SCAPER: variants seen among roughly 807,000 people sequenced by gnomAD.
SCAPER encodes the protein S phase cyclin A-associated protein in the endoplasmic reticulum.
Under a neutral mutation model 182.2 loss-of-function variants are expected in SCAPER, and 98 were observed. The ratio of observed to expected loss-of-function variants is 0.54; its 90% CI spans 0.46 to 0.64. SCAPER has a LOEUF of 0.64. Among genes scored for constraint, SCAPER ranks in the 30% least tolerant of loss-of-function variants. The probability of loss-of-function intolerance (pLI) is 0.00; values close to 1 mark genes in which losing one functional copy is unlikely to be tolerated. For missense variants in SCAPER, 1,432 were observed against 1,690.0 expected (o/e 0.85, Z 2.68); for synonymous variants, 605 against 564.6 (o/e 1.07, Z -1.01).
At chr15:76,728,178 T>C (rs2060704950) in intron 17 of SCAPER, among the ~76,000 whole-genome samples, 1 of 140,752 alleles carries the variant, frequency 7.1e-6, no homozygotes, top group Non-Finnish European at 1.5e-5. Context: ...TCATACATCA[T>C]AATCAGAGTG....
At chr15:76,863,385 C>T (rs1192137102) in intron 2 of SCAPER, among the ~76,000 whole-genome samples, 1 of 152,172 alleles carries the variant, frequency 6.6e-6, no homozygotes, top group Admixed American at 6.5e-5. Flanking sequence ...GCCCAAAATC[C>T]CAGTCCAATT....
intron 1 of SCAPER, among the ~76,000 whole-genome samples, chr15:76,884,476 A>C (rs377323953): frequency 2.0e-5 from 3 of 152,230 alleles, no homozygotes; most frequent in East Asian, 3.8e-4. Context: ...AAGAAATCCA[A>C]GTCAGGGAAA....
At chr15:76,854,421 CAAG>C (rs879531618) in intron 4 of SCAPER, among the ~76,000 whole-genome samples, 2 of 151,984 alleles carry the variant, frequency 1.3e-5, no homozygotes, top group Non-Finnish European at 2.9e-5. Context: ...AACATCTCCA[CAAG>C]AAGAATTACA....
intron 26 of SCAPER, among the ~76,000 whole-genome samples, chr15:76,412,538 C>A (rs954921842): frequency 6.6e-6 from 1 of 152,004 alleles, no homozygotes; most frequent in African/African-American, 2.4e-5. Flanking sequence ...TCAGCTCCCC[C>A]ACCCCAAATA....
intron 22 of SCAPER, among the ~76,000 whole-genome samples, chr15:76,615,666 A>G (rs1328086906): frequency 6.7e-6 from 1 of 150,156 alleles, no homozygotes; most frequent in Non-Finnish European, 1.5e-5. Context: ...TAAAAATACA[A>G]AAAACTAGCT....
chr15:76,580,999 A>G (rs972153189), intron 22 of SCAPER, among the ~76,000 whole-genome samples: 6 of 152,178 alleles, frequency 3.9e-5, no homozygotes, highest in African/African-American at 9.6e-5. Context: ...TCAAAGGATC[A>G]TTAGAGGCTA....
intron 20 of SCAPER, among the ~76,000 whole-genome samples, chr15:76,666,930 A>C (rs2056616141): frequency 6.6e-6 from 1 of 152,112 alleles, no homozygotes; most frequent in Non-Finnish European, 1.5e-5. Context: ...ACTGGATCCC[A>C]TTCCTTGTCT....
intron 23 of SCAPER, among the ~76,000 whole-genome samples, chr15:76,573,318 T>C (rs1009295343): frequency 3.3e-5 from 5 of 152,190 alleles, no homozygotes; most frequent in South Asian, 2.1e-4. Flanking sequence ...GGTGAGTTCA[T>C]AGCTGTTCAC....
At chr15:76,408,422 G>C (rs1184843903) in intron 26 of SCAPER, among the ~76,000 whole-genome samples, 2 of 151,780 alleles carry the variant, frequency 1.3e-5, no homozygotes, top group African/African-American at 4.8e-5. Flanking sequence ...TGCAACTTTT[G>C]GTTGTTTTCA....
chr15:76,840,047 C>T (rs376637251), intron 5 of SCAPER, among the ~76,000 whole-genome samples: 5 of 152,074 alleles, frequency 3.3e-5, no homozygotes, highest in African/African-American at 1.2e-4. Flanking sequence ...AAACTAAGTC[C>T]AGTAGTGTCT....
chr15:76,532,089 CT>C (rs1271728245), intron 23 of SCAPER, among the ~76,000 whole-genome samples: 1 of 152,032 alleles, frequency 6.6e-6, no homozygotes, highest in Non-Finnish European at 1.5e-5. Context: ...TGTTGATCAT[CT>C]CAACGCTTAC....
At chr15:76,752,460 C>G (rs2062148461) in intron 15 of SCAPER, among the ~76,000 whole-genome samples, 1 of 151,676 alleles carries the variant, frequency 6.6e-6, no homozygotes, top group African/African-American at 2.4e-5. Flanking sequence ...TTCACAATAG[C>G]TAAAATGTAG....
intron 2 of SCAPER, among the ~76,000 whole-genome samples, chr15:76,869,939 G>T (rs1435015876): frequency 6.6e-6 from 1 of 152,118 alleles, no homozygotes; most frequent in Non-Finnish European, 1.5e-5. Context: ...CCTGTCACTT[G>T]CAACAACATA....
intron 5 of SCAPER, among the ~76,000 whole-genome samples, chr15:76,816,456 G>A (rs1465604960): frequency 1.3e-5 from 2 of 151,748 alleles, no homozygotes; most frequent in Non-Finnish European, 2.9e-5. Context: ...TCCACATATT[G>A]TCCCACTGCA....
At chr15:76,630,246 C>T (rs2052979890) in intron 21 of SCAPER, among the ~76,000 whole-genome samples, 1 of 151,958 alleles carries the variant, frequency 6.6e-6, no homozygotes, top group Admixed American at 6.6e-5. Context: ...TTTCAAAAAA[C>T]CAGCCCCTGG....
chr15:76,777,393 G>A (rs563800170), intron 8 of SCAPER, among the ~76,000 whole-genome samples: 1 of 152,276 alleles, frequency 6.6e-6, no homozygotes, highest in Non-Finnish European at 1.5e-5. Context: ...AAAGAGAAAT[G>A]AAATTTAACG....
chr15:76,838,802 CAACA>C (rs2069178320), intron 5 of SCAPER, among the ~76,000 whole-genome samples: 1 of 152,190 alleles, frequency 6.6e-6, no homozygotes, highest in Admixed American at 6.5e-5. Context: ...TCAGTCCACA[CAACA>C]AACATTCAAC....
At chr15:76,518,689 A>T (rs998581447) in intron 23 of SCAPER, among the ~76,000 whole-genome samples, 5 of 152,148 alleles carry the variant, frequency 3.3e-5, no homozygotes, top group African/African-American at 1.2e-4. Flanking sequence ...TCTGACACAA[A>T]ATGCAGTGCA....
chr15:76,801,645 C>T (rs750526679), intron 6 of SCAPER, among the ~76,000 whole-genome samples: 18 of 151,126 alleles, frequency 1.2e-4, no homozygotes, highest in Non-Finnish European at 2.4e-4. Context: ...CTCAGCCAGG[C>T]ATGGTGGCCC....
Sources: allele counts gnomAD v4.1 joint callset (sites outside exome capture counted in the v4.1 genomes callset), GRCh38; gene constraint gnomAD v4.1.1; transcripts MANE v1.5; gene names NCBI Gene and HGNC (gene_info 2026-07-23, HGNC 2026-07-21).